Variants in RBBP8NL observed in about 807,000 individuals in gnomAD.
RBBP8NL encodes the protein RBBP8 N-terminal-like protein.
Under a neutral mutation model 62.2 loss-of-function variants are expected in RBBP8NL, and 59 were observed. That is an observed-to-expected ratio of 0.95 (90% CI 0.77 to 1.18). The LOEUF (loss-of-function observed/expected upper bound fraction) is 1.18. RBBP8NL is among the 50% of genes most tolerant of loss of function. The pLI is 0.00. For synonymous variants in RBBP8NL, 412 were observed against 394.1 expected, an observed-to-expected ratio of 1.05 and a Z score of -0.54; for missense variants, 896 against 899.5, an observed-to-expected ratio of 1.00 and a Z score of 0.05.
chr20:62,426,176 AAGCAGC>A (rs1373936391), intron 1 of RBBP8NL, among the ~76,000 whole-genome samples: 3 of 145,632 alleles, frequency 2.1e-5, no homozygotes, highest in Non-Finnish European at 4.5e-5. Context: ...GTGGCAGTGG[AAGCAGC>A]GGCAGCGGCA....
intron 10 of RBBP8NL, 23 bp from the exon 11 acceptor site, chr20:62,413,568 C>G: frequency 6.6e-7 from 1 of 1,506,114 alleles, no homozygotes; most frequent in Non-Finnish European, 8.8e-7. Flanking sequence ...AAGTAGGTGG[C>G]TTGAGTTTAT....
intron 13 of RBBP8NL, among the ~76,000 whole-genome samples, chr20:62,411,834 G>A (rs1370991225): frequency 1.3e-5 from 2 of 152,256 alleles, no homozygotes; most frequent in Admixed American, 6.5e-5. Flanking sequence ...GGGCCGTGCT[G>A]GTCTCTACTG....
chr20:62,426,718 C>G (rs1355464671), intron 1 of RBBP8NL, among the ~76,000 whole-genome samples: 1 of 152,254 alleles, frequency 6.6e-6, no homozygotes, highest in East Asian at 1.9e-4. Context: ...TGTGCACACA[C>G]CGCCGCAGGG....
In RBBP8NL at chr20:62,413,848, T is replaced by G. The variant is rs1373720826; in HGVS notation, c.1503A>C (p.Pro501=). The change falls in exon 10 of 14, where the codon CCA becomes CCC. Residue 501 remains proline (P), a synonymous_variant. Transcript: ENST00000252998. ...LSNGTKGTRV[P]EQEEASTPMD... is the part of the protein sequence containing the mutation. Reference sequence around the variant, plus strand: ...TGGGAGTGGAAGCCTCCTCCTGCTCTGGCACTCTGGTCCCCTTGGTGCCAT... The same window carrying G: ...TGGGAGTGGAAGCCTCCTCCTGCTCGGGCACTCTGGTCCCCTTGGTGCCAT... 1.0e-5 allele frequency: 16 copies of G among 1,597,194 alleles called. No homozygotes were observed. The East Asian group carries it at 2.5e-4, about 25-fold the overall frequency.
At chr20:62,417,196 A>G (rs1242910541) in intron 4 of RBBP8NL, 28 bp downstream of exon 4, 1 of 1,546,696 alleles carries the variant, frequency 6.5e-7, no homozygotes, top group Non-Finnish European at 8.8e-7. Flanking sequence ...GGTCCTGGCC[A>G]TGCTGCGAGG....
At position 62,412,757 on chromosome 20, in the gene RBBP8NL, G is replaced by A; in HGVS notation, c.1747-4C>T. 6.2e-7 allele frequency: 1 copy of A among 1,612,632 alleles called. No individual in the cohort carries two copies. Among genetic ancestry groups the A allele is most frequent in the Non-Finnish European group, 8.5e-7 (1 of 1,179,988 alleles). ...CCGCCTGGGAGCTCAGGCCCACCTG[G>A]GGAGAAGGGGGTGTGGTCACGAGGA... On this transcript the variant is annotated splice_polypyrimidine_tract_variant and splice_region_variant and intron_variant, in intron 12 of 13. Coordinates refer to ENST00000252998, the MANE Select transcript of RBBP8NL (RefSeq NM_080833.3).
chr20:62,419,652 C>T lies in RBBP8NL; in HGVS notation c.-5G>A, dbSNP rs561091598. On this transcript the variant is annotated 5_prime_UTR_variant, in exon 2 of 14. Coordinates refer to ENST00000252998, the MANE Select transcript of RBBP8NL (RefSeq NM_080833.3). ...CGACTCCATGAAGCTCTCCATGGCTCCCTGTGGCCCTGGCCCGGGCCCCTC... is the reference window on the plus strand; with the variant it reads ...CGACTCCATGAAGCTCTCCATGGCTTCCTGTGGCCCTGGCCCGGGCCCCTC... 2 of 1,612,878 alleles carry T rather than the reference C, an allele frequency of 1.2e-6. No homozygotes were observed. Among genetic ancestry groups the T allele is most frequent in the Non-Finnish European group, 1.7e-6 (2 of 1,179,886 alleles).
Position 62,412,755 on chromosome 20 carries a change from TG to T in RBBP8NL, c.1747-3del. On this transcript the variant is annotated splice_region_variant and splice_polypyrimidine_tract_variant and intron_variant, in intron 12 of 13. Coordinates refer to ENST00000252998, the MANE Select transcript of RBBP8NL (RefSeq NM_080833.3). Reference sequence around the variant, plus strand: ...CTCCGCCTGGGAGCTCAGGCCCACCTGGGGAGAAGGGGGTGTGGTCACGAGG... The same window carrying T: ...CTCCGCCTGGGAGCTCAGGCCCACCTGGGAGAAGGGGGTGTGGTCACGAGG... 2 of 1,612,598 alleles carry T rather than the reference TG, an allele frequency of 1.2e-6. No individual in the cohort carries two copies.
At chr20:62,415,411 C>A in intron 8 of RBBP8NL, 124 bp from the exon 9 acceptor site, 2 of 1,372,440 alleles carry the variant, frequency 1.5e-6, no homozygotes, top group East Asian at 2.5e-5. Flanking sequence ...CTGAGCTGCA[C>A]CCCCACCCAC....
In RBBP8NL at chr20:62,410,605, C is replaced by G; in HGVS notation, c.*273G>C. ...GGTGAATCGCCAGCCTGAGACCCCTCTCGGTCCTCCAGCCCCTCTTGAAGT... is the reference window on the plus strand; with the variant it reads ...GGTGAATCGCCAGCCTGAGACCCCTGTCGGTCCTCCAGCCCCTCTTGAAGT... On this transcript the variant is annotated 3_prime_UTR_variant, in exon 14 of 14. Transcript: ENST00000252998. The G allele has an allele frequency of 2.1e-6, 1 of 474,258 alleles. No individual in the cohort carries two copies. The highest frequency in any genetic ancestry group is 3.7e-6 in the Non-Finnish European group (1 of 268,714). 29.4% of individuals were successfully genotyped at this position (474,258 alleles called of 1,614,324 possible).
intron 9 of RBBP8NL, 103 bp downstream of exon 9, chr20:62,415,018 G>T: frequency 2.4e-6 from 3 of 1,252,232 alleles, no homozygotes; most frequent in Non-Finnish European, 3.2e-6. Flanking sequence ...AGCCAGAGAA[G>T]TTCAGGGCTG....
In RBBP8NL at chr20:62,418,448, G is replaced by A; in HGVS notation, c.79C>T (p.Leu27=). Residue 27 remains leucine, a synonymous_variant, in exon 3 of 14, where the codon CTG becomes TTG. Transcript: ENST00000252998. ...CGGCACCTCTCTGAGTTCAGTTCCA[G>A]AAGCTTGTTCTGCAGGCCTGGGGGA... ...KEVLGLQNKL[L]ELNSERCRDA... 1 of 1,550,384 alleles carries A rather than the reference G, an allele frequency of 6.5e-7. No homozygotes were observed. Among genetic ancestry groups the A allele is most frequent in the Non-Finnish European group, 8.7e-7 (1 of 1,146,934 alleles).
chr20:62,412,789 C>T, intron 12 of RBBP8NL, 36 bp from the exon 13 acceptor site: 1 of 1,613,068 alleles, frequency 6.2e-7, no homozygotes, highest in Non-Finnish European at 8.5e-7. Flanking sequence ...AGGAGGACTG[C>T]CTCCTGGCCC....
intron 1 of RBBP8NL, among the ~76,000 whole-genome samples, chr20:62,425,365 C>T (rs537360361): frequency 1.4e-4 from 22 of 152,294 alleles, no homozygotes; most frequent in African/African-American, 4.6e-4. Context: ...GGCAGAGGTC[C>T]GGCTTCTGAC....
In RBBP8NL at chr20:62,414,065, T is replaced by A; in HGVS notation, c.1286A>T (p.Glu429Val). The A allele has an allele frequency of 6.3e-7, 1 of 1,596,042 alleles. No homozygotes were observed. Among genetic ancestry groups the A allele is most frequent in the Non-Finnish European group, 8.5e-7 (1 of 1,173,092 alleles). The change falls in exon 10 of 14, where the codon GAG becomes GTG. Residue 429 changes from glutamate (E) to valine (V), a missense_variant. Physicochemically the swap from Glu to Val is moderately radical, Grantham distance 121. Coordinates refer to ENST00000252998, the MANE Select transcript of RBBP8NL (RefSeq NM_080833.3). Reference sequence around the variant, plus strand: ...GGCACAGTCCTGCGTGGCTGCAGCCTCTGTCCTCTGGGCGCGGCCCGGGCC... The same window carrying A: ...GGCACAGTCCTGCGTGGCTGCAGCCACTGTCCTCTGGGCGCGGCCCGGGCC... ...PAGPGRAQRT[E>V]AAATQDCALD...
Position 62,420,379 on chromosome 20 carries a change from C to CACAT in RBBP8NL, c.-83-650_-83-649insATGT, listed in dbSNP as rs1555892565. 2.9e-4 allele frequency among the ~76,000 whole-genome samples: 43 copies of CACAT among 145,844 alleles called. 5 individuals are homozygous for CACAT. The highest frequency in any genetic ancestry group is 8.0e-4 in the East Asian group (4 of 5,002). On this transcript the variant is annotated intron_variant, in intron 1 of 13. Coordinates refer to ENST00000252998, the MANE Select transcript of RBBP8NL (RefSeq NM_080833.3). ...ACACACACACACACACACACACACA[C>CACAT]ACACACACACACACAGATAGCATGT...
At position 62,410,556 on chromosome 20, in the gene RBBP8NL, C is replaced by T; in HGVS notation, c.*322G>A. On this transcript the variant is annotated 3_prime_UTR_variant, in exon 14 of 14. Coordinates refer to ENST00000252998, the MANE Select transcript of RBBP8NL (RefSeq NM_080833.3). The stretch of plus-strand genomic sequence containing the variant: ...CTGGGCTGTGGGAGGGGCCGCAGAG[C>T]ATTTCCCAGGTGGGTGGAGACGGGG... The T allele has an allele frequency of 2.7e-6, 1 of 372,964 alleles. No homozygotes were observed. The allele number at this position is 372,964 out of a possible 1,614,324, so 23.1% of individuals were successfully genotyped here. A position where few individuals can be genotyped will look rare whatever the true frequency, so the allele number is the denominator to read the frequency against.
In RBBP8NL at chr20:62,415,700, C is replaced by A. The variant is rs374553503; in HGVS notation, c.545-40G>T. 2.1e-4 allele frequency: 343 copies of A among 1,610,580 alleles called. 1 individual carries two copies. The highest frequency in any genetic ancestry group is 3.4e-5 in the Non-Finnish European group (40 of 1,178,646). On this transcript the variant is annotated intron_variant, in intron 7 of 13. Transcript: ENST00000252998. ...GCCAGGGGCAAGAGCTTGGGAGGTG[C>A]TCAGAGGGGCAGCGGCCCAGCCCCA...
At position 62,418,612 on chromosome 20, in the gene RBBP8NL, T is replaced by A. The variant is rs1988633473; in HGVS notation, c.62-147A>T. 6.1e-6 allele frequency: 5 copies of A among 814,894 alleles called. No homozygotes were observed. In the East Asian group the frequency reaches 1.1e-4, roughly 18 times the overall value. 50.5% of individuals were successfully genotyped at this position (814,894 alleles called of 1,614,324 possible). A position where few individuals can be genotyped will look rare whatever the true frequency, so the allele number is the denominator to read the frequency against. On this transcript the variant is annotated intron_variant, in intron 2 of 13. Transcript: ENST00000252998. ...GAGCCCTGCCAGGTGAGCCCCTGTC[T>A]GTGCCCAGGCACGGGGCTGCCTGAG...
Sources: allele counts gnomAD v4.1 joint callset (sites outside exome capture counted in the v4.1 genomes callset), GRCh38; gene constraint gnomAD v4.1.1; transcripts MANE v1.5; gene names NCBI Gene and HGNC (gene_info 2026-07-23, HGNC 2026-07-21).